Variants in ANXA4 observed in about 807,000 individuals in gnomAD.
ANXA4 encodes 35-beta calcimedin.
Under a neutral mutation model 49.8 loss-of-function variants are expected in ANXA4, and 39 were observed. That is an observed-to-expected ratio of 0.78 (90% CI 0.61 to 1.02). The LOEUF (loss-of-function observed/expected upper bound fraction) is 1.02, where lower values mean the gene tolerates loss of function less well. ANXA4 is among the 50% of genes least tolerant of loss of function. The probability of loss-of-function intolerance (pLI) is 0.00; values close to 1 mark genes in which losing one functional copy is unlikely to be tolerated. For missense variants in ANXA4, 360 were observed against 410.1 expected (o/e 0.88, Z 1.05); for synonymous variants, 134 against 152.5 (o/e 0.88, Z 0.89).
chr2:69,683,877 G>C lies in ANXA4; in HGVS notation n.766+30595G>C, dbSNP rs552906006. Among the ~76,000 whole-genome samples the C allele has an allele frequency of 7.9e-5, 12 of 152,310 alleles. No homozygotes were observed. In the South Asian group the frequency reaches 1.5e-3, roughly 18 times the overall value. On this transcript the variant is annotated intron_variant and non_coding_transcript_variant, in intron 2 of 3. Coordinates refer to the ANXA4 transcript ENST00000418066. Reference sequence around the variant, plus strand: ...GTGAACCTAGATTTCATATCTCCTAGCTCAGGGCCTCTGGATTAAAACCCA... The same window carrying C: ...GTGAACCTAGATTTCATATCTCCTACCTCAGGGCCTCTGGATTAAAACCCA...
intron 2 of ANXA4, among the ~76,000 whole-genome samples, chr2:69,714,905 T>C (rs1227601366): frequency 6.6e-6 from 1 of 152,180 alleles, no homozygotes; most frequent in Admixed American, 6.5e-5. Flanking sequence ...TCATGAAGCC[T>C]AACGCAAGGT....
intron 2 of ANXA4, among the ~76,000 whole-genome samples, chr2:69,666,390 A>G (rs1676938139): frequency 6.6e-6 from 1 of 152,240 alleles, no homozygotes; most frequent in Admixed American, 6.5e-5. Context: ...CAATGCTGGT[A>G]GAAATGTAAA....
At chr2:69,656,305 GTATA>G (rs1342034403) in intron 2 of ANXA4, among the ~76,000 whole-genome samples, 3 of 108,864 alleles carry the variant, frequency 2.8e-5, no homozygotes, top group African/African-American at 1.1e-4. Context: ...GTATATATAT[GTATA>G]TATGTATATA....
chr2:69,780,113 G>A (rs952058829), intron 1 of ANXA4, among the ~76,000 whole-genome samples: 10 of 151,338 alleles, frequency 6.6e-5, no homozygotes, highest in African/African-American at 2.4e-4. Flanking sequence ...TCAAACTACT[G>A]TGCAGGCAAA....
intron 2 of ANXA4, among the ~76,000 whole-genome samples, chr2:69,717,572 C>T (rs1669677547): frequency 6.6e-6 from 1 of 152,216 alleles, no homozygotes; most frequent in South Asian, 2.1e-4. Flanking sequence ...ATGTCCCATC[C>T]TTTTCATTTC....
At chr2:69,673,561 C>T (rs956451927) in intron 2 of ANXA4, among the ~76,000 whole-genome samples, 6 of 151,730 alleles carry the variant, frequency 4.0e-5, no homozygotes, top group Non-Finnish European at 5.9e-5. Context: ...ATGTAGATGA[C>T]GGGTTGATGG....
At position 69,677,528 on chromosome 2, in the gene ANXA4, C is replaced by T. The variant is rs557805171; in HGVS notation, n.766+24246C>T. Among the ~76,000 whole-genome samples, 14 of 152,310 alleles carry T rather than the reference C, an allele frequency of 9.2e-5. No individual in the cohort carries two copies. The South Asian group carries it at 2.3e-3, about 25-fold the overall frequency. On this transcript the variant is annotated intron_variant and non_coding_transcript_variant, in intron 2 of 3. Coordinates refer to the ANXA4 transcript ENST00000418066. ...TACAGGCGTGAGCCACTGTGCCTGG[C>T]CTCATAAATATAATTTTAAATGCCT...
Position 69,710,623 on chromosome 2 carries a change from G to A in ANXA4, n.767-10151G>A, listed in dbSNP as rs201673255. Among the ~76,000 whole-genome samples the A allele has an allele frequency of 2.0e-5, 3 of 151,972 alleles. No homozygotes were observed. The East Asian group carries it at 5.8e-4, about 29-fold the overall frequency. The stretch of plus-strand genomic sequence containing the variant: ...ACAAATCAATTATAAAAAGACAAAT[G>A]AGTCAATTTTTCAATGGGTAAAAAA... On this transcript the variant is annotated intron_variant and non_coding_transcript_variant, in intron 2 of 3. Transcript: ENST00000418066.
intron 2 of ANXA4, among the ~76,000 whole-genome samples, chr2:69,711,013 A>G (rs756240654): frequency 1.3e-5 from 2 of 152,200 alleles, no homozygotes; most frequent in Non-Finnish European, 2.9e-5. Flanking sequence ...CTGTATATGA[A>G]TATTCAGAGC....
rs1194423528 is a variant in ANXA4, at chr2:69,757,258, ATATATATATTTTTTTTT to A, written c.-47+15085_-47+15101del. ...TTGTTTTATATATATATATATATAT[ATATATATATTTTTTTTT>A]TTTTTTTTTTTTTTAGGTGGAGTCT... On this transcript the variant is annotated intron_variant, in intron 1 of 12. Transcript: ENST00000394295. Among the ~76,000 whole-genome samples the A allele has an allele frequency of 9.8e-3, 422 of 42,872 alleles. 2 individuals are homozygous for A. Among genetic ancestry groups the A allele is most frequent in the African/African-American group, 0.053 (397 of 7,530 alleles). The allele number at this position is 42,872 out of a possible 152,430, so 28.1% of individuals were successfully genotyped here.
intron 3 of ANXA4, among the ~76,000 whole-genome samples, chr2:69,792,579 C>T (rs888654048): frequency 3.7e-5 from 5 of 134,946 alleles, no homozygotes; most frequent in Middle Eastern, 3.4e-3. Context: ...TATGTTTACA[C>T]GCAGTGTTTT....
At chr2:69,706,814 A>G (rs1328642000) in intron 2 of ANXA4, among the ~76,000 whole-genome samples, 1 of 152,222 alleles carries the variant, frequency 6.6e-6, no homozygotes, top group Non-Finnish European at 1.5e-5. Context: ...TATATCATGT[A>G]TCAGTAAATC....
At chr2:69,777,802 T>G (rs1672020667) in intron 1 of ANXA4, among the ~76,000 whole-genome samples, 4 of 152,234 alleles carry the variant, frequency 2.6e-5, no homozygotes, top group Non-Finnish European at 5.9e-5. Context: ...AACTCAGAGA[T>G]GCCTTCCGGA....
At chr2:69,810,546 TG>T in intron 6 of ANXA4, 47 bp from the exon 7 acceptor site, 3 of 1,515,194 alleles carry the variant, frequency 2.0e-6, no homozygotes, top group Non-Finnish European at 2.8e-6. Context: ...GACAGGGCAT[TG>T]GGCAAGACTC....
chr2:69,748,378 G>A (rs1400682607), intron 1 of ANXA4, among the ~76,000 whole-genome samples: 14 of 148,024 alleles, frequency 9.5e-5, no homozygotes, highest in Admixed American at 4.7e-4. Flanking sequence ...GATTCCTTCC[G>A]TCTCAAAAAA....
At chr2:69,656,329 ATATG>A (rs1358211847) in intron 2 of ANXA4, among the ~76,000 whole-genome samples, 41 of 100,048 alleles carry the variant, frequency 4.1e-4, no homozygotes, top group South Asian at 1.3e-3. Context: ...ATATGTATAT[ATATG>A]TGTATATATA....
chr2:69,679,472 T>C (rs1184631822), intron 2 of ANXA4, among the ~76,000 whole-genome samples: 2 of 152,228 alleles, frequency 1.3e-5, no homozygotes, highest in Admixed American at 6.5e-5. Context: ...ACTTCGTTGA[T>C]TGTTTCCTTT....
intron 3 of ANXA4, among the ~76,000 whole-genome samples, chr2:69,724,048 AG>A (rs1395749965): frequency 2.6e-5 from 4 of 152,266 alleles, no homozygotes; most frequent in Non-Finnish European, 5.9e-5. Flanking sequence ...TGAACCCGGG[AG>A]GCGGAGGTTG....
chr2:69,671,834 A>G (rs928325120), intron 2 of ANXA4, among the ~76,000 whole-genome samples: 2 of 152,226 alleles, frequency 1.3e-5, no homozygotes, highest in Admixed American at 6.5e-5. Flanking sequence ...AAGGCATGCT[A>G]TCACTGCTAA....
Sources: allele counts gnomAD v4.1 joint callset (sites outside exome capture counted in the v4.1 genomes callset), GRCh38; gene constraint gnomAD v4.1.1; transcripts MANE v1.5; gene names NCBI Gene and HGNC (gene_info 2026-07-23, HGNC 2026-07-21).